PHACTR2: variants seen among roughly 807,000 people sequenced by gnomAD.
PHACTR2 encodes the protein phosphatase and actin regulator 2.
PHACTR2 carries 30 observed loss-of-function variants against 76.0 expected under a neutral mutation model. The ratio of observed to expected loss-of-function variants is 0.39; its 90% CI spans 0.30 to 0.54. The LOEUF is 0.54. Among genes scored for constraint, PHACTR2 ranks in the 20% least tolerant of loss-of-function variants. The pLI, the probability that PHACTR2 is intolerant of heterozygous loss-of-function variation, is 0.61. For missense variants in PHACTR2, 696 were observed against 781.1 expected (o/e 0.89, Z 1.30); for synonymous variants, 292 against 292.5 (o/e 1.00, Z 0.02).
intron 12 of PHACTR2, among the ~76,000 whole-genome samples, chr6:143,815,607 G>A (rs1009737727): frequency 2.0e-5 from 3 of 151,986 alleles, no homozygotes; most frequent in Non-Finnish European, 2.9e-5. Flanking sequence ...AAATTTACAG[G>A]AAGGGCTGGG....
rs768112648 is a variant in PHACTR2 at position 143,783,331 on chromosome 6, TA to T, written c.1707+60del. 316 of 1,057,050 alleles carry T rather than the reference TA, an allele frequency of 3.0e-4. No individual in the cohort carries two copies. The highest frequency in any genetic ancestry group is 4.1e-4 in the African/African-American group (26 of 62,776). 65.5% of individuals were successfully genotyped at this position (1,057,050 alleles called of 1,614,324 possible). A position where few individuals can be genotyped will look rare whatever the true frequency, so the allele number is the denominator to read the frequency against. Reference sequence around the variant, plus strand: ...GCATATGTGTTTTGAGATATACTTTTAAAAAAAAATACTAATCCTCTCTGTA... The same window carrying T: ...GCATATGTGTTTTGAGATATACTTTTAAAAAAAATACTAATCCTCTCTGTA... On this transcript the variant is annotated intron_variant, in intron 10 of 12. Transcript: ENST00000440869. The surrounding 1 kb of genome is among the most constrained non-coding windows in gnomAD (Gnocchi z 5.2).
chr6:143,641,592 C>T lies in PHACTR2; in HGVS notation c.13+33270C>T, dbSNP rs566800981. 2.6e-5 allele frequency among the ~76,000 whole-genome samples: 4 copies of T among 152,212 alleles called. No individual in the cohort carries two copies. Among genetic ancestry groups the T allele is most frequent in the Non-Finnish European group, 4.4e-5 (3 of 68,010 alleles). On this transcript the variant is annotated intron_variant, in intron 1 of 11. Transcript: ENST00000305766. The surrounding 1 kb of genome is among the most constrained non-coding windows in gnomAD (Gnocchi z 5.8). ...CATGATCTCGGCTAACCACAACCTC[C>T]GCCTCCCAGGTTCAAGCGATTCTCC...
At position 143,592,222 on chromosome 6, in the gene PHACTR2, G is replaced by A. The variant is rs372890917; in HGVS notation, c.217+55015G>A. Among the ~76,000 whole-genome samples the A allele has an allele frequency of 6.6e-6, 1 of 152,138 alleles. No homozygotes were observed. ...TTGATTTACAGCTTTTAAATATTTA[G>A]GCATATGGGATGGGGGCTTCCATTT... On this transcript the variant is annotated intron_variant, in intron 1 of 11. Transcript: ENST00000367584. The surrounding 1 kb of genome is among the most constrained non-coding windows in gnomAD (Gnocchi z 4.0).
chr6:143,572,188 C>G (rs1775453145), intron 1 of PHACTR2, among the ~76,000 whole-genome samples: 1 of 152,048 alleles, frequency 6.6e-6, no homozygotes, highest in African/African-American at 2.4e-5. Context: ...TCTTTTGGCC[C>G]CGTGTAAATA....
intron 3 of PHACTR2, among the ~76,000 whole-genome samples, chr6:143,749,284 T>C (rs1779135779): frequency 6.6e-6 from 1 of 152,188 alleles, no homozygotes; most frequent in Non-Finnish European, 1.5e-5. Flanking sequence ...TCCATCACCA[T>C]ATGTCATTCT....
In PHACTR2 at chr6:143,537,975, C is replaced by T. The variant is rs957166544; in HGVS notation, c.217+768C>T. 2.2e-4 allele frequency among the ~76,000 whole-genome samples: 34 copies of T among 152,292 alleles called. No individual in the cohort carries two copies. Among genetic ancestry groups the T allele is most frequent in the African/African-American group, 7.9e-4 (33 of 41,556 alleles). On this transcript the variant is annotated intron_variant, in intron 1 of 11. Coordinates refer to the PHACTR2 transcript ENST00000367584. The surrounding 1 kb of genome is among the most constrained non-coding windows in gnomAD (Gnocchi z 4.4). Reference sequence around the variant, plus strand: ...AAATACAAAAAATTAGCCGCCGAGGCGGCGCATGCCTGTAGTCCTAGCTAC... The same window carrying T: ...AAATACAAAAAATTAGCCGCCGAGGTGGCGCATGCCTGTAGTCCTAGCTAC...
In PHACTR2 at chr6:143,537,200, C is replaced by T. The variant is rs1218650531; in HGVS notation, c.210C>T (p.Ser70=). 1.4e-5 allele frequency: 4 copies of T among 286,962 alleles called. No homozygotes were observed. The highest frequency in any genetic ancestry group is 2.7e-5 in the Non-Finnish European group (4 of 147,132). The allele number at this position is 286,962 out of a possible 1,614,324, so 17.8% of individuals were successfully genotyped here. ...GCCGCCCGCTCCGGGTCCACATCTCCGGCTCAGGTAAGAGCGGCTCGGGGC... is the reference window on the plus strand; with the variant it reads ...GCCGCCCGCTCCGGGTCCACATCTCTGGCTCAGGTAAGAGCGGCTCGGGGC... The change falls in exon 1 of 12, where the codon TCC becomes TCT. Residue 70 remains serine, a synonymous_variant. Transcript: ENST00000367584. This position sits in a 1 kb window ranked among gnomAD's most constrained non-coding sequence, Gnocchi z 4.4.
At chr6:143,601,006 A>T (rs955628315) in intron 1 of PHACTR2, among the ~76,000 whole-genome samples, 1 of 152,240 alleles carries the variant, frequency 6.6e-6, no homozygotes, top group Non-Finnish European at 1.5e-5. Context: ...TCATTTGTGC[A>T]TCTTGAGGCA....
chr6:143,734,556 T>C (rs1355468623), intron 2 of PHACTR2, among the ~76,000 whole-genome samples: 1 of 152,224 alleles, frequency 6.6e-6, no homozygotes, highest in Non-Finnish European at 1.5e-5. Context: ...ACATGGATGC[T>C]ACTGATTTTG....
At position 143,809,314 on chromosome 6, in the gene PHACTR2, A is replaced by G. The variant is rs1776127387; in HGVS notation, c.1922+2181A>G. On this transcript the variant is annotated intron_variant, in intron 12 of 12. Transcript: ENST00000440869. This position sits in a 1 kb window ranked among gnomAD's most constrained non-coding sequence, Gnocchi z 4.2. ...TGAAGAAGCACAATAAAATTGGAGT[A>G]CAGGGAGAAGTAAGGGTCATTTTGT... Among the ~76,000 whole-genome samples, 1 of 152,218 alleles carries G rather than the reference A, an allele frequency of 6.6e-6. No homozygotes were observed. Among genetic ancestry groups the G allele is most frequent in the Non-Finnish European group, 1.5e-5 (1 of 68,042 alleles).
rs553203573 is a variant in PHACTR2, at chr6:143,806,863, G to A, written c.1846-194G>A. On this transcript the variant is annotated intron_variant, in intron 11 of 12. Transcript: ENST00000440869. This position sits in a 1 kb window ranked among gnomAD's most constrained non-coding sequence, Gnocchi z 5.8. ...TCCGAGCTACTGGGAATGCTGAGTT[G>A]GGAGGATCACTTGAGCCCAGGAGTT... Among the ~76,000 whole-genome samples, 2 of 151,994 alleles carry A rather than the reference G, an allele frequency of 1.3e-5. No homozygotes were observed. Among genetic ancestry groups the A allele is most frequent in the South Asian group, 4.2e-4 (2 of 4,812 alleles).
chr6:143,723,424 C>T lies in PHACTR2; in HGVS notation c.214+11241C>T, dbSNP rs1011667356. 2.0e-4 allele frequency among the ~76,000 whole-genome samples: 30 copies of T among 152,188 alleles called. 1 individual carries two copies. Among genetic ancestry groups the T allele is most frequent in the Admixed American group, 1.0e-3 (16 of 15,276 alleles). ...TCCTAAGAAACACATTGCAAGAAGA[C>T]AGCGTTCCTTCTGATTAGCCAGGCA... On this transcript the variant is annotated intron_variant, in intron 2 of 12. Transcript: ENST00000440869.
chr6:143,815,570 T>C (rs1776279500), intron 12 of PHACTR2, among the ~76,000 whole-genome samples: 1 of 152,170 alleles, frequency 6.6e-6, no homozygotes, highest in African/African-American at 2.4e-5. Context: ...CCTTTGTGAG[T>C]AATTATATAT....
At position 143,821,001 on chromosome 6, in the gene PHACTR2, A is replaced by G. The variant is rs1418365709; in HGVS notation, c.1923-2673A>G. 6.6e-6 allele frequency among the ~76,000 whole-genome samples: 1 copy of G among 152,246 alleles called. No homozygotes were observed. Among genetic ancestry groups the G allele is most frequent in the African/African-American group, 2.4e-5 (1 of 41,472 alleles). On this transcript the variant is annotated intron_variant, in intron 12 of 12. Transcript: ENST00000440869. The surrounding 1 kb of genome is among the most constrained non-coding windows in gnomAD (Gnocchi z 5.2). The stretch of plus-strand genomic sequence containing the variant: ...TTGCACCCTCTGAAGCAGAAGCCTG[A>G]GCTGTATCTGGGGCCCTTTGCGCCA...
At chr6:143,628,697 G>T (rs1322885005) in intron 1 of PHACTR2, among the ~76,000 whole-genome samples, 1 of 151,718 alleles carries the variant, frequency 6.6e-6, no homozygotes, top group Non-Finnish European at 1.5e-5. Context: ...GCCATATAAG[G>T]TACCATTTAT....
chr6:143,665,237 C>T (rs1182314183), intron 1 of PHACTR2, among the ~76,000 whole-genome samples: 2 of 152,304 alleles, frequency 1.3e-5, no homozygotes, highest in East Asian at 3.9e-4. Flanking sequence ...CTTCAAAACA[C>T]TAAGAAAAAA....
At chr6:143,590,235 TC>T (rs1190330581) in intron 1 of PHACTR2, among the ~76,000 whole-genome samples, 3 of 152,170 alleles carry the variant, frequency 2.0e-5, no homozygotes, top group African/African-American at 7.2e-5. Flanking sequence ...TATTTGGTCT[TC>T]CAGTCAGTAA....
intron 1 of PHACTR2, among the ~76,000 whole-genome samples, chr6:143,612,817 A>G (rs370457965): frequency 1.8e-4 from 17 of 95,760 alleles, no homozygotes; most frequent in African/African-American, 4.5e-4. Context: ...ATCCTCTGAA[A>G]TGCCTTTATG....
At chr6:143,552,549 C>T (rs1775108143) in intron 1 of PHACTR2, among the ~76,000 whole-genome samples, 1 of 152,132 alleles carries the variant, frequency 6.6e-6, no homozygotes, top group Non-Finnish European at 1.5e-5. Flanking sequence ...CTTCTGTGCT[C>T]AGACATGTCT....
Sources: gnomAD v4.1 joint callset for allele counts (sites outside exome capture counted in the v4.1 genomes callset) on GRCh38, gnomAD v4.1.1 for gene constraint, Gnocchi (gnomAD v3.1) non-coding constraint, MANE v1.5 for transcripts, NCBI Gene and HGNC (gene_info 2026-07-23, HGNC 2026-07-21) for gene names.